PLPPR2: variants seen among roughly 807,000 people sequenced by gnomAD.
The protein encoded by PLPPR2 is phospholipid phosphatase related 2.
PLPPR2 carries 11 observed loss-of-function variants against 40.3 expected under a neutral mutation model. That is an observed-to-expected ratio of 0.27 (90% CI 0.17 to 0.45). The LOEUF is 0.45. Among genes scored for constraint, PLPPR2 ranks in the 20% least tolerant of loss-of-function variants. The pLI is 1.00. For synonymous variants in PLPPR2, 260 were observed against 290.8 expected (o/e 0.89, Z 1.08); for missense variants, 497 against 640.7 (o/e 0.78, Z 2.42).
rs1473798632 is a variant in PLPPR2 at position 11,362,897 on chromosome 19, G to A, written c.840+208G>A. Among the ~76,000 whole-genome samples the A allele has an allele frequency of 6.6e-6, 1 of 152,224 alleles. No homozygotes were observed. The highest frequency in any genetic ancestry group is 1.5e-5 in the Non-Finnish European group (1 of 68,034). On this transcript the variant is annotated intron_variant, in intron 7 of 9. Coordinates refer to ENST00000688289, the MANE Select transcript of PLPPR2 (RefSeq NM_001393892.1). The surrounding 1 kb of genome is among the most constrained non-coding windows in gnomAD (Gnocchi z 5.3). ...CCTTGAATGCAAATTTTAAGAGGGT[G>A]CCCAACACTCAGTAATCAAGATTAA... is the stretch of plus-strand genomic sequence containing the variant.
rs1400940694 is a variant in PLPPR2 at position 11,361,886 on chromosome 19, G to C, written c.663+398G>C. Reference sequence around the variant, plus strand: ...ACTGGGCAGATGGGACGGCCCCCTGGAGTCCTTGCCCCTCTTCTGGAGCCC... The same window carrying C: ...ACTGGGCAGATGGGACGGCCCCCTGCAGTCCTTGCCCCTCTTCTGGAGCCC... On this transcript the variant is annotated intron_variant, in intron 6 of 9. Transcript: ENST00000688289. The surrounding 1 kb of genome is among the most constrained non-coding windows in gnomAD (Gnocchi z 6.3). 6.6e-6 allele frequency among the ~76,000 whole-genome samples: 1 copy of C among 151,902 alleles called. No homozygotes were observed. The highest frequency in any genetic ancestry group is 2.4e-5 in the African/African-American group (1 of 41,322).
Position 11,364,355 on chromosome 19 carries a change from A to G in PLPPR2, c.1024A>G (p.Asn342Asp), listed in dbSNP as rs140645585. 40 of 1,516,250 alleles carry G rather than the reference A, an allele frequency of 2.6e-5. No homozygotes were observed. Among genetic ancestry groups the G allele is most frequent in the Non-Finnish European group, 3.3e-5 (37 of 1,134,340 alleles). 93.9% of individuals were successfully genotyped at this position (1,516,250 alleles called of 1,614,324 possible). ...PARLTPSKSQ[N>D]CARRGHLIPS... ...TGGCTTCTGACCACCAGAGTCGCAG[A>G]ACTGCGCCCGCCGTGGCCACCTGAT... The change falls in exon 10 of 10, where the codon AAC (asparagine) becomes GAC (aspartate). Residue 342 changes from asparagine (N) to aspartate (D), a missense_variant. Physicochemically the swap from Asn to Asp is conservative, Grantham distance 23 (BLOSUM62 1). Coordinates refer to ENST00000688289, the MANE Select transcript of PLPPR2 (RefSeq NM_001393892.1). The surrounding 1 kb of genome is among the most constrained non-coding windows in gnomAD (Gnocchi z 5.8).
chr19:11,357,609 C>T, intron 2 of PLPPR2, 51 bp from the exon 3 acceptor site: 1 of 1,431,060 alleles, frequency 7.0e-7, no homozygotes, highest in Non-Finnish European at 9.5e-7. Flanking sequence ...TGACCTGAGC[C>T]TTCCCCTAGG....
chr19:11,359,872 G>C lies in PLPPR2; in HGVS notation c.307G>C (p.Val103Leu), dbSNP rs372792026. The C allele has an allele frequency of 3.7e-6, 6 of 1,613,702 alleles. No individual in the cohort carries two copies. The highest frequency in any genetic ancestry group is 4.2e-6 in the Non-Finnish European group (5 of 1,179,820). The change falls in exon 5 of 10, where the codon GTC becomes CTC. Residue 103 changes from valine (V) to leucine (L), a missense_variant. Val to Leu is a conservative substitution (Grantham distance 32). Coordinates refer to ENST00000688289, the MANE Select transcript of PLPPR2 (RefSeq NM_001393892.1). The surrounding 1 kb of genome is among the most constrained non-coding windows in gnomAD (Gnocchi z 5.6). ...CTTTTTCCCTGCACCACCTTCAGCCGTCCCAGTCATCGGGGAGAGCACCAT... is the reference window on the plus strand; with the variant it reads ...CTTTTTCCCTGCACCACCTTCAGCCCTCCCAGTCATCGGGGAGAGCACCAT... Reference protein sequence around the residue: ...RAFFPAPPSAVPVIGESTIVS... With the variant: ...RAFFPAPPSALPVIGESTIVS...
chr19:11,361,972 T>C lies in PLPPR2; in HGVS notation c.663+484T>C, dbSNP rs960615735. Among the ~76,000 whole-genome samples, 3 of 151,932 alleles carry C rather than the reference T, an allele frequency of 2.0e-5. No homozygotes were observed. The highest frequency in any genetic ancestry group is 7.3e-5 in the African/African-American group (3 of 41,316). ...GTAGCCCTGGCCACGCCCCTTGCTC[T>C]TAACTGCTCTGGGATTTCTAACTCT... On this transcript the variant is annotated intron_variant, in intron 6 of 9. Coordinates refer to ENST00000688289, the MANE Select transcript of PLPPR2 (RefSeq NM_001393892.1). The surrounding 1 kb of genome is among the most constrained non-coding windows in gnomAD (Gnocchi z 6.3).
At position 11,364,588 on chromosome 19, in the gene PLPPR2, C is replaced by T. The variant is rs1210147504; in HGVS notation, c.1257C>T (p.Pro419=). The T allele has an allele frequency of 6.5e-7, 1 of 1,537,184 alleles. No individual in the cohort carries two copies. ...GCCGGAAGCTGCTGCTGCCCACGCCCCTGCTGCGGGACCTGTACACCCTGA... is the reference window on the plus strand; with the variant it reads ...GCCGGAAGCTGCTGCTGCCCACGCCTCTGCTGCGGGACCTGTACACCCTGA... The part of the protein sequence containing the change: ...GRGRKLLLPT[P]LLRDLYTLSG... The change falls in exon 10 of 10, where the codon CCC becomes CCT. Residue 419 remains proline (P), a synonymous_variant. Coordinates refer to ENST00000688289, the MANE Select transcript of PLPPR2 (RefSeq NM_001393892.1). This position sits in a 1 kb window ranked among gnomAD's most constrained non-coding sequence, Gnocchi z 5.8.
Position 11,359,781 on chromosome 19 carries a change from G to A in PLPPR2, c.256-40G>A. On this transcript the variant is annotated intron_variant, in intron 4 of 9. Transcript: ENST00000688289. This position sits in a 1 kb window ranked among gnomAD's most constrained non-coding sequence, Gnocchi z 5.6. ...CCGGTAAGGGTGGGTGAGGGGATGG[G>A]CTGGAAGGCCAGAAGACTCCATCTT... 1 of 1,588,376 alleles carries A rather than the reference G, an allele frequency of 6.3e-7. No individual in the cohort carries two copies. The highest frequency in any genetic ancestry group is 1.1e-5 in the South Asian group (1 of 88,348).
rs761457192 is a variant in PLPPR2, at chr19:11,362,422, T to C, written c.664-91T>C. 6.8e-7 allele frequency: 1 copy of C among 1,475,462 alleles called. No individual in the cohort carries two copies. The allele number at this position is 1,475,462 out of a possible 1,614,324, so 91.4% of individuals were successfully genotyped here. On this transcript the variant is annotated intron_variant, in intron 6 of 9. Coordinates refer to ENST00000688289, the MANE Select transcript of PLPPR2 (RefSeq NM_001393892.1). The surrounding 1 kb of genome is among the most constrained non-coding windows in gnomAD (Gnocchi z 5.3). ...TGGCCACTCCCTCCAGCCCCAACGC[T>C]CTGGCCATGCGCTCTAGCCCAGAAA... is the stretch of plus-strand genomic sequence containing the variant.
In PLPPR2 at chr19:11,362,370, A is replaced by T; in HGVS notation, c.664-143A>T. On this transcript the variant is annotated intron_variant, in intron 6 of 9. Transcript: ENST00000688289. This position sits in a 1 kb window ranked among gnomAD's most constrained non-coding sequence, Gnocchi z 5.3. ...ACGCTCCCTGGAAAAGCCCACTGGG[A>T]GCCCATGACTCCAACCCTGGAGCCC... The T allele has an allele frequency of 1.5e-6, 1 of 669,692 alleles. No individual in the cohort carries two copies. The highest frequency in any genetic ancestry group is 2.3e-6 in the Non-Finnish European group (1 of 440,770). 41.5% of individuals were successfully genotyped at this position (669,692 alleles called of 1,614,324 possible). A position where few individuals can be genotyped will look rare whatever the true frequency, so the allele number is the denominator to read the frequency against.
In PLPPR2 at chr19:11,364,315, T is replaced by C. The variant is rs1158027660; in HGVS notation, c.1016-32T>C. 1.1e-5 allele frequency: 17 copies of C among 1,521,554 alleles called. No homozygotes were observed. The highest frequency in any genetic ancestry group is 1.4e-5 in the Non-Finnish European group (16 of 1,134,556). 94.3% of individuals were successfully genotyped at this position (1,521,554 alleles called of 1,614,324 possible). ...CCTTTATGCTGCCTCCCGAGTTTTC[T>C]GATCCCCTGATATCTGGCTTCTGAC... is the stretch of plus-strand genomic sequence containing the variant. On this transcript the variant is annotated intron_variant, in intron 9 of 9. Coordinates refer to ENST00000688289, the MANE Select transcript of PLPPR2 (RefSeq NM_001393892.1). This position sits in a 1 kb window ranked among gnomAD's most constrained non-coding sequence, Gnocchi z 5.8.
chr19:11,361,622 C>T lies in PLPPR2; in HGVS notation c.663+134C>T. ...TGTTGGAAGCTCTCGCTCCACGCCCCGACCTGTTGGAAGCTCTCCCTCCTC... is the reference window on the plus strand; with the variant it reads ...TGTTGGAAGCTCTCGCTCCACGCCCTGACCTGTTGGAAGCTCTCCCTCCTC... On this transcript the variant is annotated intron_variant, in intron 6 of 9. Transcript: ENST00000688289. The surrounding 1 kb of genome is among the most constrained non-coding windows in gnomAD (Gnocchi z 6.3). 1 of 1,262,660 alleles carries T rather than the reference C, an allele frequency of 7.9e-7. No individual in the cohort carries two copies. Among genetic ancestry groups the T allele is most frequent in the Non-Finnish European group, 1.1e-6 (1 of 937,626 alleles). 78.2% of individuals were successfully genotyped at this position (1,262,660 alleles called of 1,614,324 possible).
Position 11,364,762 on chromosome 19 carries a change from C to A in PLPPR2, c.*72C>A. On this transcript the variant is annotated 3_prime_UTR_variant, in exon 10 of 10. Transcript: ENST00000688289. This position sits in a 1 kb window ranked among gnomAD's most constrained non-coding sequence, Gnocchi z 5.8. ...GCCACGCGTGTGTGTGCGTGTGCCA[C>A]GTGAGTGCCAAAGTCCCCTGCCCCC... The A allele has an allele frequency of 6.6e-7, 1 of 1,506,280 alleles. No individual in the cohort carries two copies. The highest frequency in any genetic ancestry group is 8.9e-7 in the Non-Finnish European group (1 of 1,123,304). 93.3% of individuals were successfully genotyped at this position (1,506,280 alleles called of 1,614,324 possible). A position where few individuals can be genotyped will look rare whatever the true frequency, so the allele number is the denominator to read the frequency against.
rs967816648 is a variant in PLPPR2 at position 11,363,205 on chromosome 19, C to CG, written c.841-503dup. Reference sequence around the variant, plus strand: ...CTGAGGCAGAAGAATCGCTTGAACCCGGGGGACGGAGGTTGCAGTGAACTG... The same window carrying CG: ...CTGAGGCAGAAGAATCGCTTGAACCCGGGGGGACGGAGGTTGCAGTGAACTG... On this transcript the variant is annotated intron_variant, in intron 7 of 9. Coordinates refer to ENST00000688289, the MANE Select transcript of PLPPR2 (RefSeq NM_001393892.1). The surrounding 1 kb of genome is among the most constrained non-coding windows in gnomAD (Gnocchi z 4.8). Among the ~76,000 whole-genome samples, 1 of 150,874 alleles carries CG rather than the reference C, an allele frequency of 6.6e-6. No homozygotes were observed. The highest frequency in any genetic ancestry group is 2.4e-5 in the African/African-American group (1 of 40,962).
chr19:11,357,578 G>A, intron 2 of PLPPR2, 82 bp from the exon 3 acceptor site: 2 of 1,017,334 alleles, frequency 2.0e-6, no homozygotes, highest in South Asian at 1.7e-5. Context: ...AAGGACTCAG[G>A]GGATGAAGCC....
At position 11,359,978 on chromosome 19, in the gene PLPPR2, C is replaced by G; in HGVS notation, c.391+22C>G. On this transcript the variant is annotated intron_variant, in intron 5 of 9. Coordinates refer to ENST00000688289, the MANE Select transcript of PLPPR2 (RefSeq NM_001393892.1). This position sits in a 1 kb window ranked among gnomAD's most constrained non-coding sequence, Gnocchi z 5.6. ...CTGGGTGAGAGACATGGCCTGGGGT[C>G]AGCCCCATGGTAATGGTGGGGAGGT... 6.3e-7 allele frequency: 1 copy of G among 1,583,764 alleles called. No homozygotes were observed. Among genetic ancestry groups the G allele is most frequent in the Non-Finnish European group, 8.6e-7 (1 of 1,163,230 alleles).
chr19:11,362,644 C>T lies in PLPPR2; in HGVS notation c.795C>T (p.Asp265=), dbSNP rs925019402. The part of the protein sequence containing the change: ...RVAEYRNHWS[D]VLAGFLTGAA... Reference sequence around the variant, plus strand: ...CCGAGTACCGAAACCACTGGTCGGACGTGCTGGCTGGCTTCCTGACAGGGG... The same window carrying T: ...CCGAGTACCGAAACCACTGGTCGGATGTGCTGGCTGGCTTCCTGACAGGGG... The change falls in exon 7 of 10, where the codon GAC becomes GAT. Residue 265 remains aspartate (D), a synonymous_variant. Coordinates refer to ENST00000688289, the MANE Select transcript of PLPPR2 (RefSeq NM_001393892.1). This position sits in a 1 kb window ranked among gnomAD's most constrained non-coding sequence, Gnocchi z 5.3. The T allele has an allele frequency of 1.9e-6, 3 of 1,613,832 alleles. No homozygotes were observed. The highest frequency in any genetic ancestry group is 2.5e-6 in the Non-Finnish European group (3 of 1,179,890).
In PLPPR2 at chr19:11,364,273, C is replaced by T. The variant is rs1234610839; in HGVS notation, c.1015+61C>T. ...ACTTCCAGGTGGGCAGCCACTGCCC[C>T]AGAGGTCTCACCTAGGCCTTTATGC... On this transcript the variant is annotated intron_variant, in intron 9 of 9. Coordinates refer to ENST00000688289, the MANE Select transcript of PLPPR2 (RefSeq NM_001393892.1). The surrounding 1 kb of genome is among the most constrained non-coding windows in gnomAD (Gnocchi z 5.8). The T allele has an allele frequency of 2.7e-5, 42 of 1,575,762 alleles. No individual in the cohort carries two copies. Among genetic ancestry groups the T allele is most frequent in the East Asian group, 2.3e-5 (1 of 44,344 alleles).
In PLPPR2 at chr19:11,359,521, C is replaced by A; in HGVS notation, c.67-11C>A. The A allele has an allele frequency of 6.5e-7, 1 of 1,529,430 alleles. No homozygotes were observed. The highest frequency in any genetic ancestry group is 8.8e-7 in the Non-Finnish European group (1 of 1,134,486). The allele number at this position is 1,529,430 out of a possible 1,614,324, so 94.7% of individuals were successfully genotyped here. ...TCTCCGCCACCTCTCCCCGCCCTGGCTTGGTGGCAGTCGGTGCTGCTGGGC... is the reference window on the plus strand; with the variant it reads ...TCTCCGCCACCTCTCCCCGCCCTGGATTGGTGGCAGTCGGTGCTGCTGGGC... On this transcript the variant is annotated splice_polypyrimidine_tract_variant and intron_variant, in intron 3 of 9. Transcript: ENST00000688289. This position sits in a 1 kb window ranked among gnomAD's most constrained non-coding sequence, Gnocchi z 5.6.
At position 11,363,502 on chromosome 19, in the gene PLPPR2, C is replaced by T. The variant is rs1433171956; in HGVS notation, c.841-211C>T. Among the ~76,000 whole-genome samples, 1 of 152,150 alleles carries T rather than the reference C, an allele frequency of 6.6e-6. No individual in the cohort carries two copies. The highest frequency in any genetic ancestry group is 1.5e-5 in the Non-Finnish European group (1 of 68,026). ...CCTGCCACTGTACAACTTGGTCTTA[C>T]TTACTTTAGCCTAGTGTGGGGTCTG... On this transcript the variant is annotated intron_variant, in intron 7 of 9. Transcript: ENST00000688289. This position sits in a 1 kb window ranked among gnomAD's most constrained non-coding sequence, Gnocchi z 4.8.
Sources: gnomAD v4.1 joint callset for allele counts (sites outside exome capture counted in the v4.1 genomes callset) on GRCh38, gnomAD v4.1.1 for gene constraint, Gnocchi (gnomAD v3.1) non-coding constraint, MANE v1.5 for transcripts, NCBI Gene and HGNC (gene_info 2026-07-23, HGNC 2026-07-21) for gene names.